ADD3: variants seen among roughly 807,000 people sequenced by gnomAD.
ADD3 encodes the protein gamma-adducin.
ADD3 carries 25 observed loss-of-function variants against 80.2 expected under a neutral mutation model. That is an observed-to-expected ratio of 0.31 (90% confidence interval 0.23 to 0.44). The LOEUF is 0.44. Among genes scored for constraint, ADD3 ranks in the 20% least tolerant of loss-of-function variants. The probability of loss-of-function intolerance (pLI) is 1.00; values close to 1 mark genes in which losing one functional copy is unlikely to be tolerated. For synonymous variants in ADD3, 284 were observed against 289.6 expected (o/e 0.98, Z 0.20); for missense variants, 829 against 847.5 (o/e 0.98, Z 0.27).
upstream of ADD3, among the ~76,000 whole-genome samples, chr10:110,007,790 G>T (rs1047103781): frequency 8.6e-5 from 13 of 151,714 alleles, no homozygotes; most frequent in African/African-American, 2.4e-4. Flanking sequence ...GAGAGAGCTC[G>T]GGGCTGCCAG....
At chr10:110,014,862 C>G (rs1294715984) in intron 1 of ADD3, among the ~76,000 whole-genome samples, 1 of 151,894 alleles carries the variant, frequency 6.6e-6, no homozygotes, top group Non-Finnish European at 1.5e-5. Context: ...GTTGAGTTCA[C>G]TTTCCTAAGG....
At chr10:110,079,733 G>T (rs1238921135) in intron 1 of ADD3, among the ~76,000 whole-genome samples, 1 of 151,968 alleles carries the variant, frequency 6.6e-6, no homozygotes, top group Non-Finnish European at 1.5e-5. Flanking sequence ...TAGAGATGGG[G>T]TTTCACCATG....
chr10:110,117,374 A>G lies in ADD3; in HGVS notation c.519A>G (p.Ile173Met). 1 of 1,606,650 alleles carries G rather than the reference A, an allele frequency of 6.2e-7. No individual in the cohort carries two copies. Among genetic ancestry groups the G allele is most frequent in the South Asian group, 1.1e-5 (1 of 90,860 alleles). ...TAAGTAAGGAGCAAGACCACATTAT[A>G]ATAATTCCCAGAGGCCTATCTTTTT... ...VRISKEQDHIIIIPRGLSFSE... is the reference protein window; with the variant it reads ...VRISKEQDHIMIIPRGLSFSE... The change falls in exon 5 of 15, where the codon ATA becomes ATG. Residue 173 changes from isoleucine to methionine, a missense_variant. Transcript: ENST00000356080.
chr10:110,035,138 C>T (rs1855491108), intron 1 of ADD3, among the ~76,000 whole-genome samples: 1 of 152,102 alleles, frequency 6.6e-6, no homozygotes, highest in Non-Finnish European at 1.5e-5. Context: ...CCATCAAACA[C>T]CAAGTGGAAT....
chr10:109,999,774 G>T (rs987195399), intron 1 of ADD3, among the ~76,000 whole-genome samples: 2 of 151,882 alleles, frequency 1.3e-5, no homozygotes, highest in African/African-American at 4.8e-5. Flanking sequence ...ATATTGATAC[G>T]ACAGTTATTT....
chr10:110,105,403 G>C (rs933079589), intron 2 of ADD3, among the ~76,000 whole-genome samples: 1 of 152,130 alleles, frequency 6.6e-6, no homozygotes, highest in Non-Finnish European at 1.5e-5. Context: ...GAAAAACTAA[G>C]CAATAGCACA....
In ADD3 at chr10:110,125,915, C is replaced by T; in HGVS notation, c.1491C>T (p.Asn497=). The change falls in exon 11 of 15, where the codon AAC becomes AAT. Residue 497 remains asparagine, a synonymous_variant. Transcript: ENST00000356080. The part of the protein sequence containing the change: ...DPNQFVPLNT[N]PNEVLEKRNK... ...ATCAGTTTGTTCCTTTAAACACAAACCCGAATGAGGTACTAGAAAAGAGAA... is the reference window on the plus strand; with the variant it reads ...ATCAGTTTGTTCCTTTAAACACAAATCCGAATGAGGTACTAGAAAAGAGAA... The T allele has an allele frequency of 6.2e-7, 1 of 1,607,826 alleles. No individual in the cohort carries two copies. Among genetic ancestry groups the T allele is most frequent in the East Asian group, 2.2e-5 (1 of 44,684 alleles).
chr10:110,044,506 T>C (rs1333677795), intron 1 of ADD3, among the ~76,000 whole-genome samples: 1 of 152,224 alleles, frequency 6.6e-6, no homozygotes, highest in African/African-American at 2.4e-5. Flanking sequence ...ATTCTTTGTT[T>C]AATGTAACAT....
chr10:110,044,470 T>C (rs1052379690), intron 1 of ADD3, among the ~76,000 whole-genome samples: 2 of 152,224 alleles, frequency 1.3e-5, no homozygotes, highest in Non-Finnish European at 2.9e-5. Context: ...GAATTTTCCA[T>C]ACAAAATCAG....
chr10:110,000,807 G>C (rs1186139193), upstream of ADD3, among the ~76,000 whole-genome samples: 2 of 152,142 alleles, frequency 1.3e-5, no homozygotes, highest in African/African-American at 4.8e-5. Context: ...GTACAATGAA[G>C]ATAATAATAC....
intron 8 of ADD3, among the ~76,000 whole-genome samples, chr10:110,120,822 A>G (rs1049448832): frequency 1.2e-4 from 19 of 152,196 alleles, no homozygotes; most frequent in Non-Finnish European, 2.9e-5. Context: ...ATGGAACAGA[A>G]CGGAGCCCTC....
At chr10:110,069,127 C>T (rs750343636) in intron 1 of ADD3, among the ~76,000 whole-genome samples, 13 of 151,904 alleles carry the variant, frequency 8.6e-5, no homozygotes, top group Non-Finnish European at 1.3e-4. Context: ...AATGCAGGTG[C>T]GATTACTATT....
At chr10:110,050,375 T>A (rs991542835) in intron 1 of ADD3, among the ~76,000 whole-genome samples, 2 of 152,154 alleles carry the variant, frequency 1.3e-5, no homozygotes, top group African/African-American at 4.8e-5. Flanking sequence ...ATCTGATGAT[T>A]TTATAAGGGG....
intron 1 of ADD3, among the ~76,000 whole-genome samples, chr10:110,032,875 G>A (rs1047500347): frequency 1.3e-5 from 2 of 151,962 alleles, no homozygotes; most frequent in African/African-American, 2.4e-5. Flanking sequence ...AAACTTTATC[G>A]AGAGGAAAAA....
At position 110,133,338 on chromosome 10, in the gene ADD3, T is replaced by C. The variant is rs997380499; in HGVS notation, c.1841T>C (p.Leu614Pro). The C allele has an allele frequency of 6.3e-7, 1 of 1,582,490 alleles. No homozygotes were observed. Among genetic ancestry groups the C allele is most frequent in the Non-Finnish European group, 8.6e-7 (1 of 1,157,274 alleles). The change falls in exon 15 of 15, where the codon CTG becomes CCG. Residue 614 changes from leucine (L) to proline (P), a missense_variant. By Grantham distance (98) the Leu-to-Pro change is moderately conservative. Transcript: ENST00000356080. ...VPEKLEENHE[L>P]FSKSFISMEV... ...TCCCCTTTCGTAGAAAACCATGAGCTGTTTTCCAAGAGCTTCATCTCCATG... is the reference window on the plus strand; with the variant it reads ...TCCCCTTTCGTAGAAAACCATGAGCCGTTTTCCAAGAGCTTCATCTCCATG...
chr10:110,107,156 T>C (rs1041779679), intron 2 of ADD3, among the ~76,000 whole-genome samples: 2 of 152,028 alleles, frequency 1.3e-5, no homozygotes, highest in Non-Finnish European at 2.9e-5. Context: ...TCAGATAATA[T>C]GGTATAGTAG....
At chr10:110,045,191 T>C (rs1740232055) in intron 1 of ADD3, among the ~76,000 whole-genome samples, 1 of 152,126 alleles carries the variant, frequency 6.6e-6, no homozygotes, top group Non-Finnish European at 1.5e-5. Context: ...CCGTCTCTAC[T>C]AAAAATACAA....
At chr10:110,090,697 A>G (rs1847391070) in intron 1 of ADD3, among the ~76,000 whole-genome samples, 1 of 152,200 alleles carries the variant, frequency 6.6e-6, no homozygotes, top group Non-Finnish European at 1.5e-5. Flanking sequence ...TGAAACTGAA[A>G]CACCCTCTTA....
At chr10:110,126,062 A>T in intron 11 of ADD3, 117 bp downstream of exon 11, 1 of 1,084,460 alleles carries the variant, frequency 9.2e-7, no homozygotes, top group Non-Finnish European at 1.3e-6. Context: ...AGAATTTGGA[A>T]TTTAATTCAG....
Sources: allele counts gnomAD v4.1 joint callset (sites outside exome capture counted in the v4.1 genomes callset), GRCh38; gene constraint gnomAD v4.1.1; transcripts MANE v1.5; gene names NCBI Gene and HGNC (gene_info 2026-07-23, HGNC 2026-07-21).